Variants in GPC5 observed in about 807,000 individuals in gnomAD.
GPC5 encodes the protein glypican-5.
Under a neutral mutation model 53.9 loss-of-function variants are expected in GPC5, and 47 were observed. That is an observed-to-expected ratio of 0.87 (90% confidence interval 0.69 to 1.11). The LOEUF (loss-of-function observed/expected upper bound fraction) is 1.11. GPC5 is among the 50% of genes most tolerant of loss of function. The pLI, the probability that GPC5 is intolerant of heterozygous loss-of-function variation, is 0.00. For synonymous variants in GPC5, 286 were observed against 263.3 expected (o/e 1.09, Z -0.84); for missense variants, 748 against 713.1 (o/e 1.05, Z -0.56).
chr13:92,774,510 C>T lies in GPC5; in HGVS notation c.1562-91772C>T, dbSNP rs544462648. Among the ~76,000 whole-genome samples the T allele has an allele frequency of 1.5e-3, 233 of 152,264 alleles. 1 individual carries two copies. The highest frequency in any genetic ancestry group is 2.2e-3 in the Non-Finnish European group (152 of 68,028). ...TGCAGGCTGGGAAGACTTCCCTGCC[C>T]ACTTGCCTATGAACTCCTCTCCAAT... On this transcript the variant is annotated intron_variant, in intron 7 of 7. Coordinates refer to ENST00000377067, the MANE Select transcript of GPC5 (RefSeq NM_004466.6).
intron 5 of GPC5, among the ~76,000 whole-genome samples, chr13:91,816,080 G>A (rs2038394703): frequency 6.6e-6 from 1 of 152,152 alleles, no homozygotes; most frequent in South Asian, 2.1e-4. Flanking sequence ...AGAGATGAGA[G>A]GGAGAGATCA....
At chr13:92,487,031 T>G (rs566599902) in intron 7 of GPC5, among the ~76,000 whole-genome samples, 6 of 152,182 alleles carry the variant, frequency 3.9e-5, no homozygotes, top group African/African-American at 1.4e-4. Flanking sequence ...AATTTTTGTA[T>G]TTTTAGTAGA....
intron 7 of GPC5, among the ~76,000 whole-genome samples, chr13:92,153,478 A>G (rs1344118363): frequency 6.6e-6 from 1 of 152,210 alleles, no homozygotes. Flanking sequence ...TAATTTATGA[A>G]TACATAACTC....
intron 7 of GPC5, among the ~76,000 whole-genome samples, chr13:92,693,862 A>G (rs1887482573): frequency 6.7e-6 from 1 of 148,602 alleles, no homozygotes; most frequent in African/African-American, 2.5e-5. Context: ...AAATGTCTCC[A>G]GGGCATGTCG....
chr13:92,758,481 T>A (rs1476589854), intron 7 of GPC5, among the ~76,000 whole-genome samples: 9 of 151,602 alleles, frequency 5.9e-5, no homozygotes, highest in African/African-American at 2.2e-4. Flanking sequence ...ATAATAATAA[T>A]AAAAAAAAGA....
At chr13:91,932,591 G>A (rs2039831978) in intron 6 of GPC5, among the ~76,000 whole-genome samples, 2 of 151,998 alleles carry the variant, frequency 1.3e-5, no homozygotes, top group South Asian at 4.1e-4. Flanking sequence ...CCACCTGTCA[G>A]ACAGTCATTT....
At chr13:91,980,647 G>A (rs1430505748) in intron 6 of GPC5, among the ~76,000 whole-genome samples, 2 of 152,152 alleles carry the variant, frequency 1.3e-5, no homozygotes, top group Non-Finnish European at 2.9e-5. Flanking sequence ...GTTTTTAACT[G>A]AATTATAACA....
chr13:92,531,427 A>T (rs1881559595), intron 7 of GPC5, among the ~76,000 whole-genome samples: 1 of 151,942 alleles, frequency 6.6e-6, no homozygotes, highest in South Asian at 2.1e-4. Context: ...ATTTCATTGT[A>T]TGCAATCCAG....
chr13:92,367,467 G>A (rs908176273), intron 7 of GPC5, among the ~76,000 whole-genome samples: 1 of 152,016 alleles, frequency 6.6e-6, no homozygotes, highest in Non-Finnish European at 1.5e-5. Context: ...AAAGCATTTT[G>A]TTATTTTAGC....
intron 2 of GPC5, among the ~76,000 whole-genome samples, chr13:91,569,421 A>G (rs1322331945): frequency 6.6e-6 from 1 of 152,140 alleles, no homozygotes; most frequent in Admixed American, 6.6e-5. Flanking sequence ...CTGTAATTTT[A>G]AAAATACAGA....
intron 7 of GPC5, among the ~76,000 whole-genome samples, chr13:92,167,637 C>T (rs1411745): frequency 1.3e-5 from 2 of 152,078 alleles, no homozygotes; most frequent in African/African-American, 2.4e-5. Flanking sequence ...TTTAAAGTTT[C>T]TGAAATACAG....
At chr13:92,035,996 T>C (rs897049018) in intron 6 of GPC5, among the ~76,000 whole-genome samples, 1 of 152,208 alleles carries the variant, frequency 6.6e-6, no homozygotes, top group Admixed American at 6.5e-5. Context: ...GTAAGGCTGA[T>C]AAATGAATAT....
Position 91,491,309 on chromosome 13 carries a change from T to C in GPC5, c.325+42387T>C, listed in dbSNP as rs372632972. Among the ~76,000 whole-genome samples, 135 of 152,338 alleles carry C rather than the reference T, an allele frequency of 8.9e-4. 1 individual carries two copies. Among genetic ancestry groups the C allele is most frequent in the African/African-American group, 3.2e-3 (133 of 41,586 alleles). Reference sequence around the variant, plus strand: ...TGCCTTTATCCCCACAGTTATTATATGACTCTCTTTAAAATGTTCATTGCT... The same window carrying C: ...TGCCTTTATCCCCACAGTTATTATACGACTCTCTTTAAAATGTTCATTGCT... On this transcript the variant is annotated intron_variant, in intron 2 of 7. Coordinates refer to ENST00000377067, the MANE Select transcript of GPC5 (RefSeq NM_004466.6).
intron 7 of GPC5, among the ~76,000 whole-genome samples, chr13:92,854,122 T>A (rs1189245507): frequency 1.3e-5 from 2 of 151,376 alleles, no homozygotes; most frequent in Admixed American, 6.6e-5. Context: ...ATATATGCTC[T>A]CTTTTCTAAA....
chr13:91,478,057 A>G (rs972914529), intron 2 of GPC5, among the ~76,000 whole-genome samples: 5 of 151,962 alleles, frequency 3.3e-5, no homozygotes, highest in African/African-American at 1.2e-4. Flanking sequence ...TCATATTTAG[A>G]TGATGTAATT....
chr13:91,542,680 T>A (rs964744558), intron 2 of GPC5, among the ~76,000 whole-genome samples: 1 of 151,856 alleles, frequency 6.6e-6, no homozygotes, highest in Non-Finnish European at 1.5e-5. Context: ...TCCTCAATTT[T>A]TTTTATTTTT....
intron 6 of GPC5, among the ~76,000 whole-genome samples, chr13:91,972,431 C>T (rs931485258): frequency 6.6e-6 from 1 of 152,042 alleles, no homozygotes; most frequent in Non-Finnish European, 1.5e-5. Flanking sequence ...ATTTGCCAGT[C>T]TGTGTCTTTT....
chr13:92,095,768 C>T (rs1312374093), intron 6 of GPC5, among the ~76,000 whole-genome samples: 1 of 152,070 alleles, frequency 6.6e-6, no homozygotes, highest in African/African-American at 2.4e-5. Flanking sequence ...TTCCTGACCT[C>T]GTGATCTGCC....
At chr13:91,444,427 T>C (rs967272595) in intron 1 of GPC5, among the ~76,000 whole-genome samples, 3 of 152,178 alleles carry the variant, frequency 2.0e-5, no homozygotes, top group African/African-American at 7.2e-5. Flanking sequence ...TTTTTTATTA[T>C]AGTAACTCTG....
Sources: allele counts gnomAD v4.1 joint callset (sites outside exome capture counted in the v4.1 genomes callset), GRCh38; gene constraint gnomAD v4.1.1; transcripts MANE v1.5; gene names NCBI Gene and HGNC (gene_info 2026-07-23, HGNC 2026-07-21).